The following PTPRD variants were observed in gnomAD, a reference collection of about 807,000 sequenced individuals.
PTPRD encodes protein tyrosine phosphatase receptor type D, also known as receptor-type tyrosine-protein phosphatase delta.
In PTPRD, 34 loss-of-function variants were observed where a neutral mutation model predicts 214.5. The ratio of observed to expected loss-of-function variants is 0.16; its 90% confidence interval spans 0.12 to 0.21. The LOEUF (loss-of-function observed/expected upper bound fraction) is 0.21, where lower values mean the gene tolerates loss of function less well. PTPRD is among the 10% of genes least tolerant of loss of function. PTPRD has a pLI of 1.00. For missense variants in PTPRD, 2,545 were observed against 2,398.7 expected, an observed-to-expected ratio of 1.06 and a Z score of -1.27; for synonymous variants, 1,128 against 845.7, an observed-to-expected ratio of 1.33 and a Z score of -5.79.
intron 12 of PTPRD, among the ~76,000 whole-genome samples, chr9:8,686,077 A>G (rs1412164137): frequency 2.0e-5 from 3 of 152,252 alleles, no homozygotes; most frequent in Admixed American, 6.5e-5. Flanking sequence ...TCTGAAAGCA[A>G]GCAGAAACTA....
At chr9:9,715,240 AC>A (rs1332130042) in intron 7 of PTPRD, among the ~76,000 whole-genome samples, 1 of 152,176 alleles carries the variant, frequency 6.6e-6, no homozygotes, top group Non-Finnish European at 1.5e-5. Flanking sequence ...TTCTGTTCCT[AC>A]TATATTGCGG....
At chr9:10,380,308 A>C (rs2097794579) in intron 2 of PTPRD, among the ~76,000 whole-genome samples, 1 of 152,126 alleles carries the variant, frequency 6.6e-6, no homozygotes, top group Non-Finnish European at 1.5e-5. Context: ...TTTGGAAATC[A>C]ATGACCCATG....
intron 2 of PTPRD, among the ~76,000 whole-genome samples, chr9:10,475,691 G>T (rs1030834619): frequency 7.2e-5 from 11 of 152,028 alleles, no homozygotes; most frequent in Non-Finnish European, 2.9e-5. Flanking sequence ...GAAAATTTCA[G>T]GCCAATATCC....
chr9:9,780,598 C>G (rs539835671), intron 5 of PTPRD, among the ~76,000 whole-genome samples: 1 of 152,136 alleles, frequency 6.6e-6, no homozygotes, highest in African/African-American at 2.4e-5. Flanking sequence ...TATAATAATG[C>G]AAAAATGGCA....
chr9:9,714,493 C>A (rs1188163311), intron 7 of PTPRD, among the ~76,000 whole-genome samples: 1 of 99,366 alleles, frequency 1.0e-5, no homozygotes, highest in African/African-American at 4.7e-5. Context: ...AAGAATACCA[C>A]CTTGTTAGTT....
intron 14 of PTPRD, among the ~76,000 whole-genome samples, chr9:8,606,194 A>G (rs540971724): frequency 6.6e-6 from 1 of 152,270 alleles, no homozygotes; most frequent in South Asian, 2.1e-4. Flanking sequence ...GAAGGAAAAG[A>G]AAGGAGGGAA....
rs975542991 is a variant in PTPRD at position 9,624,824 on chromosome 9, T to A, written c.-286-50043A>T. The stretch of plus-strand genomic sequence containing the variant: ...AGTTGTTACAAATAAACTGAATAGA[T>A]GCATTGAAAAAAAAAAAAAGTGGGG... On this transcript the variant is annotated intron_variant, in intron 7 of 45. Coordinates refer to ENST00000381196, the MANE Select transcript of PTPRD (RefSeq NM_002839.4). Among the ~76,000 whole-genome samples, 3 of 103,450 alleles carry A rather than the reference T, an allele frequency of 2.9e-5. No individual in the cohort carries two copies. The Admixed American group carries it at 3.6e-4, about 12-fold the overall frequency. 67.9% of individuals were successfully genotyped at this position (103,450 alleles called of 152,430 possible).
chr9:9,625,181 A>G (rs762830818), intron 7 of PTPRD, among the ~76,000 whole-genome samples: 3 of 152,150 alleles, frequency 2.0e-5, no homozygotes, highest in Non-Finnish European at 4.4e-5. Flanking sequence ...ATTCTATGAC[A>G]TCTCCTTCTA....
chr9:8,971,423 C>A (rs181657807), intron 11 of PTPRD, among the ~76,000 whole-genome samples: 1 of 151,742 alleles, frequency 6.6e-6, no homozygotes, highest in African/African-American at 2.4e-5. Context: ...CACAGCCTGG[C>A]TCCTGTAATT....
intron 10 of PTPRD, among the ~76,000 whole-genome samples, chr9:9,052,814 T>G (rs2099688888): frequency 6.6e-6 from 1 of 152,212 alleles, no homozygotes; most frequent in Non-Finnish European, 1.5e-5. Context: ...AGGCACTTGT[T>G]TTTTTCATGG....
intron 11 of PTPRD, among the ~76,000 whole-genome samples, chr9:8,820,237 T>C (rs981582522): frequency 6.6e-6 from 1 of 152,132 alleles, no homozygotes; most frequent in African/African-American, 2.4e-5. Context: ...TGCACAGATG[T>C]GAAAACTGAG....
intron 10 of PTPRD, among the ~76,000 whole-genome samples, chr9:9,152,246 T>C (rs1417683734): frequency 6.6e-6 from 1 of 152,226 alleles, no homozygotes; most frequent in African/African-American, 2.4e-5. Flanking sequence ...CATAGGCATC[T>C]GATTTGAATG....
At chr9:10,136,189 T>C (rs1026426785) in intron 3 of PTPRD, among the ~76,000 whole-genome samples, 4 of 151,950 alleles carry the variant, frequency 2.6e-5, no homozygotes, top group South Asian at 4.1e-4. Flanking sequence ...CACCTAATTA[T>C]CCTAAATACA....
chr9:10,043,377 A>G (rs1182760949), intron 3 of PTPRD, among the ~76,000 whole-genome samples: 2 of 151,870 alleles, frequency 1.3e-5, no homozygotes, highest in African/African-American at 2.4e-5. Flanking sequence ...TTCCAACTAT[A>G]AAGCCCTCTC....
intron 9 of PTPRD, among the ~76,000 whole-genome samples, chr9:9,279,315 T>C (rs1474383578): frequency 6.8e-6 from 1 of 146,470 alleles, no homozygotes; most frequent in African/African-American, 2.5e-5. Context: ...TACACATGCA[T>C]ATATACAGAT....
chr9:8,841,470 G>C (rs1429651621), intron 11 of PTPRD, among the ~76,000 whole-genome samples: 1 of 150,548 alleles, frequency 6.6e-6, no homozygotes, highest in African/African-American at 2.4e-5. Flanking sequence ...GGGAAGAGTG[G>C]ACACAGTTCA....
At chr9:10,252,381 G>A (rs1360687848) in intron 3 of PTPRD, among the ~76,000 whole-genome samples, 2 of 152,032 alleles carry the variant, frequency 1.3e-5, no homozygotes, top group Admixed American at 6.6e-5. Flanking sequence ...TAGAGGTTAT[G>A]TGTACACTTT....
intron 35 of PTPRD, among the ~76,000 whole-genome samples, chr9:8,408,193 C>G (rs896656401): frequency 1.3e-5 from 2 of 152,092 alleles, no homozygotes; most frequent in South Asian, 4.1e-4. Context: ...TCACTTCAAC[C>G]CTGTATTTTC....
intron 10 of PTPRD, among the ~76,000 whole-genome samples, chr9:9,164,605 T>A (rs2099897942): frequency 6.6e-6 from 1 of 152,202 alleles, no homozygotes; most frequent in Non-Finnish European, 1.5e-5. Flanking sequence ...CATAAAATCT[T>A]TTCTCTTCCC....
Sources: gnomAD v4.1 joint callset for allele counts (sites outside exome capture counted in the v4.1 genomes callset) on GRCh38, gnomAD v4.1.1 for gene constraint, MANE v1.5 for transcripts, NCBI Gene and HGNC (gene_info 2026-07-23, HGNC 2026-07-21) for gene names.